TNRC6C: variants seen among roughly 807,000 people sequenced by gnomAD.
The protein encoded by TNRC6C is trinucleotide repeat-containing gene 6C protein.
TNRC6C carries 20 observed loss-of-function variants against 153.7 expected under a neutral mutation model. The ratio of observed to expected loss-of-function variants is 0.13; its 90% CI spans 0.09 to 0.19. TNRC6C has a LOEUF of 0.19. TNRC6C is among the 10% of genes least tolerant of loss of function. The pLI is 1.00. For missense variants in TNRC6C, 1,987 were observed against 2,172.0 expected (o/e 0.91, Z 1.69); for synonymous variants, 811 against 841.4 (o/e 0.96, Z 0.63).
At chr17:77,959,182 C>T (rs920714), upstream of TNRC6C, 142,422 of 146,860 alleles carry the variant, frequency 0.97, 69,072 homozygotes, top group East Asian at 1. Flanking sequence ...CCGAGGCCCT[C>T]GGGCGGTTGT....
chr17:77,979,071 G>A (rs1451645386), intron 1 of TNRC6C, among the ~76,000 whole-genome samples: 1 of 152,126 alleles, frequency 6.6e-6, no homozygotes, highest in Non-Finnish European at 1.5e-5. Context: ...AGATATTAGG[G>A]TTATCAGACA....
intron 3 of TNRC6C, among the ~76,000 whole-genome samples, chr17:78,061,487 G>T (rs1433985504): frequency 1.3e-5 from 2 of 152,188 alleles, no homozygotes; most frequent in Non-Finnish European, 1.5e-5. Context: ...GGATGGCATT[G>T]TAGGTAAATT....
chr17:78,081,251 T>C (rs1007742194), intron 10 of TNRC6C, among the ~76,000 whole-genome samples: 5 of 151,748 alleles, frequency 3.3e-5, no homozygotes, highest in African/African-American at 4.8e-5. Context: ...ACAATTAGGG[T>C]TTGGGTTTCA....
intron 1 of TNRC6C, among the ~76,000 whole-genome samples, chr17:78,020,993 G>C (rs2071821351): frequency 6.6e-6 from 1 of 152,214 alleles, no homozygotes; most frequent in Non-Finnish European, 1.5e-5. Context: ...ACTTAAGTGA[G>C]AAACCTAAGT....
At chr17:78,103,482 G>A in exon 19 of TNRC6C, 5 of 1,614,010 alleles carry the variant, frequency 3.1e-6, no homozygotes, top group Non-Finnish European at 4.2e-6. Context: ...ACCTGAATCT[G>A]ACTCAAGGCA....
At position 77,961,487 on chromosome 17, in the gene TNRC6C, G is replaced by C. The variant is rs974990574; in HGVS notation, c.-38+2219G>C. On this transcript the variant is annotated intron_variant, in intron 1 of 22. Coordinates refer to the TNRC6C transcript ENST00000636222. ...ACTTTTAAGGTATGAAATTAAATACGGTTGATACTGAGACTGTCTGTCATA... is the reference window on the plus strand; with the variant it reads ...ACTTTTAAGGTATGAAATTAAATACCGTTGATACTGAGACTGTCTGTCATA... Among the ~76,000 whole-genome samples, 2 of 147,394 alleles carry C rather than the reference G, an allele frequency of 1.4e-5. 1 individual carries two copies. Among genetic ancestry groups the C allele is most frequent in the South Asian group, 4.2e-4 (2 of 4,756 alleles).
At chr17:77,970,960 G>C (rs1429401061) in intron 1 of TNRC6C, among the ~76,000 whole-genome samples, 3 of 152,080 alleles carry the variant, frequency 2.0e-5, no homozygotes, top group South Asian at 4.2e-4. Context: ...AGTGAGCTAC[G>C]ATCCTGCCAC....
chr17:77,974,381 C>T (rs778623642), intron 1 of TNRC6C, among the ~76,000 whole-genome samples: 1 of 152,096 alleles, frequency 6.6e-6, no homozygotes, highest in African/African-American at 2.4e-5. Context: ...GGAATTTGTA[C>T]TTTCATCTAA....
Position 78,086,490 on chromosome 17 carries a change from G to A in TNRC6C, c.3478-13G>A, listed in dbSNP as rs777029941. 59 of 1,611,836 alleles carry A rather than the reference G, an allele frequency of 3.7e-5. No individual in the cohort carries two copies. The highest frequency in any genetic ancestry group is 8.0e-5 in the African/African-American group (6 of 74,714). ...AATTATCATACTATTTTAACTCTTC[G>A]TTCTGTCAACAGGCATACCAACGTT... On this transcript the variant is annotated splice_polypyrimidine_tract_variant and intron_variant, in intron 11 of 19. Transcript: ENST00000301624.
At chr17:78,006,486 TTCTTCTTTCTTCTTC>T (rs1386321845) in intron 1 of TNRC6C, among the ~76,000 whole-genome samples, 8 of 144,368 alleles carry the variant, frequency 5.5e-5, no homozygotes, top group Non-Finnish European at 1.2e-4. Flanking sequence ...CTTCTTCTTC[TTCTTCTTTCTTCTTC>T]TTCTTCTTCT....
Position 78,075,169 on chromosome 17 carries a change from A to G in TNRC6C, c.2951A>G (p.Lys984Arg). The stretch of plus-strand genomic sequence containing the variant: ...CTGGAAAAGAAGGTGGACGTGGACA[A>G]GCGTGGGCTGGGAGTGACCGACCAT... The change falls in exon 8 of 20, where the codon AAG becomes AGG. Residue 984 changes from lysine to arginine, a missense_variant. Physicochemically the swap from Lys to Arg is conservative, Grantham distance 26. Transcript: ENST00000301624. The surrounding 1 kb of genome is among the most constrained non-coding windows in gnomAD (Gnocchi z 4.2). 6.2e-7 allele frequency: 1 copy of G among 1,613,162 alleles called. No individual in the cohort carries two copies. Among genetic ancestry groups the G allele is most frequent in the Non-Finnish European group, 8.5e-7 (1 of 1,179,548 alleles).
chr17:78,083,921 A>G (rs866474688), intron 11 of TNRC6C, among the ~76,000 whole-genome samples: 5 of 152,116 alleles, frequency 3.3e-5, no homozygotes, highest in Middle Eastern at 3.2e-3. Context: ...CCAGTTAATT[A>G]TTTCATTCTT....
chr17:78,059,585 C>T (rs182198107), intron 3 of TNRC6C, among the ~76,000 whole-genome samples: 18 of 152,276 alleles, frequency 1.2e-4, no homozygotes, highest in Admixed American at 4.6e-4. Flanking sequence ...CAGTGGCTCA[C>T]GCCTGTAATC....
intron 1 of TNRC6C, among the ~76,000 whole-genome samples, chr17:77,979,288 T>C (rs1034311921): frequency 1.1e-4 from 16 of 152,340 alleles, no homozygotes; most frequent in Admixed American, 7.2e-4. Flanking sequence ...CATAAAGACA[T>C]TTAAGGTGAT....
At chr17:78,052,641 T>C (rs2072560793) in intron 3 of TNRC6C, among the ~76,000 whole-genome samples, 1 of 152,172 alleles carries the variant, frequency 6.6e-6, no homozygotes, top group Non-Finnish European at 1.5e-5. Flanking sequence ...GTTTTTGTCA[T>C]AAGCGTTCAA....
chr17:78,019,529 C>CT (rs1414765778), intron 1 of TNRC6C, among the ~76,000 whole-genome samples: 3 of 152,152 alleles, frequency 2.0e-5, no homozygotes, highest in African/African-American at 7.2e-5. Flanking sequence ...CTGTTGCTTT[C>CT]TTATATAAAG....
At chr17:77,961,280 C>T (rs2070860136) in intron 1 of TNRC6C, among the ~76,000 whole-genome samples, 1 of 152,030 alleles carries the variant, frequency 6.6e-6, no homozygotes, top group South Asian at 2.1e-4. Flanking sequence ...CTCACCCTCC[C>T]GAGTAGCAGG....
intron 1 of TNRC6C, among the ~76,000 whole-genome samples, chr17:77,961,776 G>A (rs2070864959): frequency 6.6e-6 from 1 of 152,126 alleles, no homozygotes; most frequent in Non-Finnish European, 1.5e-5. Flanking sequence ...GAACTGTTTC[G>A]TTTGACATTC....
In TNRC6C at chr17:78,086,906, G is replaced by C. The variant is rs373990619; in HGVS notation, c.3615G>C (p.Gln1205His). 4.3e-6 allele frequency: 7 copies of C among 1,612,440 alleles called. No individual in the cohort carries two copies. The African/African-American group carries it at 5.3e-5, about 12-fold the overall frequency. Residue 1205 changes from glutamine to histidine, a missense_variant, in exon 13 of 20, where the codon CAG becomes CAC. Gln to His is a conservative substitution (Grantham distance 24, BLOSUM62 0). This residue lies in a region of TNRC6C where 765 missense variants were observed against 908.6 expected (regional missense o/e 0.84). Transcript: ENST00000301624. ...AGCAGATCCAGCAGCACCAGCGCCA[G>C]CTGGCCCAGGCCCTGCTCGTGAAGC...
Sources: gnomAD v4.1 joint callset for allele counts (sites outside exome capture counted in the v4.1 genomes callset) on GRCh38, gnomAD v4.1.1 for gene constraint, gnomAD v4.1.1 regional missense constraint, Gnocchi (gnomAD v3.1) non-coding constraint, MANE v1.5 for transcripts, NCBI Gene and HGNC (gene_info 2026-07-23, HGNC 2026-07-21) for gene names.